The following ARHGEF28 variants were observed in gnomAD, a reference collection of about 807,000 sequenced individuals.
ARHGEF28 encodes the protein Rho guanine nucleotide exchange factor 28.
In ARHGEF28, 152 loss-of-function variants were observed where a neutral mutation model predicts 206.6. The observed-to-expected ratio is 0.74, with a 90% confidence interval of 0.64 to 0.84. The LOEUF (loss-of-function observed/expected upper bound fraction) is 0.84, where lower values mean the gene tolerates loss of function less well. Ranked by LOEUF, ARHGEF28 falls within the 40% of genes least tolerant of loss-of-function variation. The pLI is 0.00. For missense variants in ARHGEF28, 2,028 were observed against 2,073.2 expected, an observed-to-expected ratio of 0.98 and a Z score of 0.42; for synonymous variants, 763 against 776.4, an observed-to-expected ratio of 0.98 and a Z score of 0.29.
intron 9 of ARHGEF28, among the ~76,000 whole-genome samples, chr5:73,811,153 T>A (rs972435773): frequency 6.6e-5 from 10 of 152,148 alleles, no homozygotes; most frequent in South Asian, 4.1e-4. Context: ...GATCCAACAC[T>A]ATTTTGGTTT....
chr5:73,859,359 G>A (rs559257671), intron 16 of ARHGEF28, among the ~76,000 whole-genome samples: 2 of 152,314 alleles, frequency 1.3e-5, no homozygotes, highest in African/African-American at 2.4e-5. Flanking sequence ...ATATTTGGAA[G>A]GTGGGATGGG....
At chr5:73,659,498 C>T (rs539609632) in intron 1 of ARHGEF28, among the ~76,000 whole-genome samples, 104 of 150,700 alleles carry the variant, frequency 6.9e-4, no homozygotes, top group African/African-American at 2.5e-3. Flanking sequence ...CACTGCACTC[C>T]AGCCTGGGTG....
intron 2 of ARHGEF28, among the ~76,000 whole-genome samples, chr5:73,733,880 G>A (rs1427575426): frequency 6.6e-6 from 1 of 152,084 alleles, no homozygotes; most frequent in Admixed American, 6.6e-5. Context: ...TTTCTGGGGA[G>A]GCCTCAGAAA....
At chr5:73,938,862 C>T (rs184898692) in intron 35 of ARHGEF28, among the ~76,000 whole-genome samples, 212 of 151,152 alleles carry the variant, frequency 1.4e-3, no homozygotes, top group Non-Finnish European at 2.3e-3. Flanking sequence ...TTTGTTCGCC[C>T]GATTAAGGGA....
intron 22 of ARHGEF28, among the ~76,000 whole-genome samples, chr5:73,881,492 T>C (rs934413631): frequency 6.6e-6 from 1 of 152,246 alleles, no homozygotes; most frequent in African/African-American, 2.4e-5. Context: ...GTTTTTACTA[T>C]GAGTCATATA....
intron 9 of ARHGEF28, among the ~76,000 whole-genome samples, chr5:73,796,886 C>A (rs1754852953): frequency 6.6e-6 from 1 of 152,178 alleles, no homozygotes; most frequent in Non-Finnish European, 1.5e-5. Flanking sequence ...CTACAAATTG[C>A]ATCATGCTCC....
chr5:73,670,824 T>C (rs1165239773), intron 1 of ARHGEF28, among the ~76,000 whole-genome samples: 2 of 152,228 alleles, frequency 1.3e-5, no homozygotes, highest in Admixed American at 1.3e-4. Context: ...AATTTTCTAA[T>C]TGCATTGCTT....
At chr5:73,831,528 G>C (rs182980313) in intron 9 of ARHGEF28, among the ~76,000 whole-genome samples, 1 of 152,192 alleles carries the variant, frequency 6.6e-6, no homozygotes. Flanking sequence ...AAGCAGTACC[G>C]AGCCAGAACT....
chr5:73,915,835 T>C (rs1763181414), intron 35 of ARHGEF28, among the ~76,000 whole-genome samples: 1 of 152,236 alleles, frequency 6.6e-6, no homozygotes. Context: ...CCTCAATATT[T>C]GCAGGTTTCC....
intron 1 of ARHGEF28, among the ~76,000 whole-genome samples, chr5:73,635,227 C>T (rs1436216222): frequency 6.6e-6 from 1 of 152,164 alleles, no homozygotes; most frequent in Middle Eastern, 3.2e-3. Context: ...CCTATAGTCC[C>T]AGCTACTCGG....
chr5:73,633,687 C>T (rs2112121366), intron 1 of ARHGEF28, among the ~76,000 whole-genome samples: 1 of 150,854 alleles, frequency 6.6e-6, no homozygotes, highest in East Asian at 1.9e-4. Context: ...AGCAATTCTC[C>T]CGTCTCAGCC....
At chr5:73,851,350 A>T (rs991000696) in intron 13 of ARHGEF28, among the ~76,000 whole-genome samples, 10 of 150,568 alleles carry the variant, frequency 6.6e-5, no homozygotes, top group African/African-American at 2.4e-4. Flanking sequence ...ATTATTTGTG[A>T]TGTTCTGTCT....
chr5:73,800,099 A>G (rs1302131188), intron 9 of ARHGEF28, among the ~76,000 whole-genome samples: 1 of 152,234 alleles, frequency 6.6e-6, no homozygotes, highest in Non-Finnish European at 1.5e-5. Context: ...AGAAATCCCT[A>G]TAATATCCCC....
chr5:73,906,227 G>C (rs1023850218), intron 33 of ARHGEF28, among the ~76,000 whole-genome samples: 1 of 152,016 alleles, frequency 6.6e-6, no homozygotes, highest in Non-Finnish European at 1.5e-5. Context: ...TTCCACAAGA[G>C]CTTTTATTTT....
chr5:73,841,712 G>GAA (rs33935657), intron 11 of ARHGEF28, among the ~76,000 whole-genome samples: 1 of 110,830 alleles, frequency 9.0e-6, no homozygotes, highest in East Asian at 2.3e-4. Context: ...TCAAAAAGAA[G>GAA]AAAAAAAAAA....
At chr5:73,740,228 C>A (rs980981017) in intron 2 of ARHGEF28, among the ~76,000 whole-genome samples, 1 of 149,222 alleles carries the variant, frequency 6.7e-6, no homozygotes, top group Admixed American at 6.7e-5. Flanking sequence ...AGAAATCCCA[C>A]GAAATCCAAA....
At chr5:73,895,083 G>A (rs1007160976) in intron 29 of ARHGEF28, among the ~76,000 whole-genome samples, 4 of 152,168 alleles carry the variant, frequency 2.6e-5, no homozygotes, top group Non-Finnish European at 5.9e-5. Context: ...TTGCATGGCG[G>A]GAGAGAAGGA....
intron 1 of ARHGEF28, among the ~76,000 whole-genome samples, chr5:73,639,111 G>A (rs947925792): frequency 6.9e-6 from 1 of 144,014 alleles, no homozygotes; most frequent in Non-Finnish European, 1.5e-5. Flanking sequence ...GCCCTAGCAC[G>A]TAGGATTTTT....
chr5:73,730,608 G>T (rs913847944), intron 2 of ARHGEF28, among the ~76,000 whole-genome samples: 1 of 143,878 alleles, frequency 7.0e-6, no homozygotes, highest in Admixed American at 7.2e-5. Flanking sequence ...ATCACAGCTC[G>T]CTGCAGCCTC....
Sources: gnomAD v4.1 joint callset for allele counts (sites outside exome capture counted in the v4.1 genomes callset) on GRCh38, gnomAD v4.1.1 for gene constraint, MANE v1.5 for transcripts, NCBI Gene and HGNC (gene_info 2026-07-23, HGNC 2026-07-21) for gene names.